Variants in GMEB1 observed in about 807,000 individuals in gnomAD.
The protein encoded by GMEB1 is glucocorticoid modulatory element-binding protein 1.
In GMEB1, 6 loss-of-function variants were observed where a neutral mutation model predicts 52.4. The observed-to-expected ratio is 0.11, with a 90% CI of 0.06 to 0.23. GMEB1 has a LOEUF of 0.23. Ranked by LOEUF, GMEB1 falls within the 10% of genes least tolerant of loss-of-function variation. GMEB1 has a pLI of 1.00. For synonymous variants in GMEB1, 255 were observed against 244.9 expected (o/e 1.04, Z -0.38); for missense variants, 486 against 685.6 (o/e 0.71, Z 3.25).
intron 1 of GMEB1, among the ~76,000 whole-genome samples, chr1:28,672,736 CTTTT>C (rs540343527): frequency 1.7e-5 from 2 of 119,728 alleles, no homozygotes; most frequent in Non-Finnish European, 3.4e-5. Context: ...CATATTGTTC[CTTTT>C]TTTTTTTTTT....
chr1:28,704,899 C>T (rs1054107944), intron 8 of GMEB1, among the ~76,000 whole-genome samples: 2 of 151,970 alleles, frequency 1.3e-5, no homozygotes, highest in Non-Finnish European at 2.9e-5. Flanking sequence ...TGAGCCACCG[C>T]TCCCAGCCTA....
In GMEB1 at chr1:28,674,379, G is replaced by A. The variant is rs372583685; in HGVS notation, c.-31+5540G>A. On this transcript the variant is annotated intron_variant, in intron 1 of 9. Transcript: ENST00000373816. The stretch of plus-strand genomic sequence containing the variant: ...AGAAAACAAAAACCCAAAAAACTAC[G>A]GAACAGTTAATTTTATTTATTTATT... 4.6e-5 allele frequency among the ~76,000 whole-genome samples: 7 copies of A among 151,974 alleles called. No homozygotes were observed. In the South Asian group the frequency reaches 1.0e-3, roughly 23 times the overall value.
rs1438444871 is a variant in GMEB1, at chr1:28,702,493, A to T, written c.654A>T (p.Glu218Asp). The T allele has an allele frequency of 1.2e-6, 2 of 1,613,374 alleles. No homozygotes were observed. The highest frequency in any genetic ancestry group is 4.5e-5 in the East Asian group (2 of 44,868). The change falls in exon 7 of 10, where the codon GAA (glutamate) becomes GAT (aspartate). Residue 218 changes from glutamate to aspartate, a missense_variant. Transcript: ENST00000373816. ...SEESMEEAGL[E>D]WNSALTAAVT... ...AGAGCATGGAAGAGGCAGGGCTGGA[A>T]TGGAACTCAGCTCTCACCGCTGCTG...
At position 28,714,471 on chromosome 1, in the gene GMEB1, C is replaced by T; in HGVS notation, c.1390C>T (p.Leu464=). 6.2e-7 allele frequency: 1 copy of T among 1,614,210 alleles called. No individual in the cohort carries two copies. The highest frequency in any genetic ancestry group is 8.5e-7 in the Non-Finnish European group (1 of 1,180,040). ...TIHPSSSLAL[L]SSTAMQDGST... ...CCACCCTTCATCTAGCTTGGCGCTG[C>T]TGAGCTCTACTGCCATGCAGGATGG... The change falls in exon 10 of 10, where the codon CTG becomes TTG. Residue 464 remains leucine (L), a synonymous_variant. Transcript: ENST00000373816.
intron 6 of GMEB1, among the ~76,000 whole-genome samples, chr1:28,702,135 C>G (rs1223722221): frequency 2.0e-5 from 3 of 152,146 alleles, no homozygotes; most frequent in African/African-American, 7.2e-5. Flanking sequence ...TAATGTCTAT[C>G]TTCAATCTCT....
intron 9 of GMEB1, among the ~76,000 whole-genome samples, chr1:28,711,300 GAAAA>G (rs5773216): frequency 2.4e-4 from 35 of 146,834 alleles, no homozygotes; most frequent in South Asian, 6.4e-4. Context: ...AAAAAAAAAA[GAAAA>G]AAAAACCTTT....
At position 28,690,201 on chromosome 1, in the gene GMEB1, G is replaced by GTTTTTTTTTTT; in HGVS notation, c.211+16_211+17insTTTTTTTTTTT. The stretch of plus-strand genomic sequence containing the variant: ...AGAAGGGATTGGTAAGGGTTTTTTT[G>GTTTTTTTTTTT]TGTTTTTTTTTTTTTTTTTTTTTGT... On this transcript the variant is annotated intron_variant, in intron 3 of 9. Coordinates refer to ENST00000373816, the MANE Select transcript of GMEB1 (RefSeq NM_001319674.2). 1.7e-6 allele frequency: 1 copy of GTTTTTTTTTTT among 582,820 alleles called. No individual in the cohort carries two copies. Among genetic ancestry groups the GTTTTTTTTTTT allele is most frequent in the Non-Finnish European group, 2.6e-6 (1 of 390,780 alleles). 36.1% of individuals were successfully genotyped at this position (582,820 alleles called of 1,614,324 possible).
At chr1:28,705,082 C>CA (rs756423377) in intron 8 of GMEB1, among the ~76,000 whole-genome samples, 2,821 of 48,886 alleles carry the variant, frequency 0.058, 57 homozygotes, top group African/African-American at 0.097. Flanking sequence ...GACCTTGTCT[C>CA]AAAAAAAAAA....
At chr1:28,689,079 G>A (rs998834697) in intron 2 of GMEB1, among the ~76,000 whole-genome samples, 4 of 151,758 alleles carry the variant, frequency 2.6e-5, no homozygotes, top group Non-Finnish European at 5.9e-5. Flanking sequence ...TAGTAGAGAC[G>A]GGGTTTCACC....
intron 8 of GMEB1, 52 bp downstream of exon 8, chr1:28,704,381 G>C: frequency 6.7e-7 from 1 of 1,503,266 alleles, no homozygotes; most frequent in Non-Finnish European, 9.0e-7. Flanking sequence ...ACTCACCTCC[G>C]TAGGCAGGTC....
intron 1 of GMEB1, among the ~76,000 whole-genome samples, chr1:28,671,924 C>T (rs1361943118): frequency 6.6e-6 from 1 of 150,702 alleles, no homozygotes; most frequent in African/African-American, 2.4e-5. Flanking sequence ...TGAGACCCAC[C>T]TGGCCAACAT....
Position 28,714,558 on chromosome 1 carries a change from G to C in GMEB1, c.1477G>C (p.Gly493Arg). ...SPVELVAMESGLTSAIQAVES... is the reference protein window; with the variant it reads ...SPVELVAMESRLTSAIQAVES... ...TGTGGAATTGGTGGCCATGGAGTCC[G>C]GCCTAACCTCGGCAATTCAGGCTGT... Residue 493 changes from glycine (G) to arginine (R), a missense_variant, in exon 10 of 10, where the codon GGC (glycine) becomes CGC (arginine). Transcript: ENST00000373816. 6.2e-7 allele frequency: 1 copy of C among 1,614,166 alleles called. No individual in the cohort carries two copies. Among genetic ancestry groups the C allele is most frequent in the Non-Finnish European group, 8.5e-7 (1 of 1,180,030 alleles).
At chr1:28,682,288 C>T (rs1669426643) in intron 1 of GMEB1, among the ~76,000 whole-genome samples, 1 of 151,914 alleles carries the variant, frequency 6.6e-6, no homozygotes, top group Admixed American at 6.6e-5. Context: ...AAGGGAGATA[C>T]TGGGCAAGAT....
intron 1 of GMEB1, among the ~76,000 whole-genome samples, chr1:28,675,208 G>A (rs1330603869): frequency 1.9e-4 from 28 of 150,812 alleles, no homozygotes; most frequent in South Asian, 8.4e-4. Flanking sequence ...TAGTAGAGAC[G>A]AGGTTTCACC....
intron 2 of GMEB1, among the ~76,000 whole-genome samples, chr1:28,687,403 A>T (rs2124496469): frequency 1.4e-5 from 2 of 145,882 alleles, no homozygotes; most frequent in East Asian, 4.0e-4. Context: ...AAGACAGTGG[A>T]GAATAATGTT....
chr1:28,675,883 T>G, intron 1 of GMEB1, among the ~76,000 whole-genome samples: 1 of 152,022 alleles, frequency 6.6e-6, no homozygotes. Context: ...GCATTTAGAG[T>G]TGGTTTCAGG....
At chr1:28,710,759 C>A (rs1329751329) in intron 9 of GMEB1, 117 bp downstream of exon 9, 29 of 578,410 alleles carry the variant, frequency 5.0e-5, no homozygotes, top group Middle Eastern at 6.1e-4. Flanking sequence ...TCAGATTTTG[C>A]TTTTAAAAAT....
At chr1:28,696,123 A>G (rs1263339836) in intron 5 of GMEB1, among the ~76,000 whole-genome samples, 1 of 151,440 alleles carries the variant, frequency 6.6e-6, no homozygotes, top group East Asian at 1.9e-4. Context: ...GCTGGAGTGC[A>G]GTGGCGTGAT....
intron 8 of GMEB1, among the ~76,000 whole-genome samples, chr1:28,706,748 T>C (rs1670792037): frequency 6.6e-6 from 1 of 151,320 alleles, no homozygotes; most frequent in Non-Finnish European, 1.5e-5. Flanking sequence ...CACTGCAACC[T>C]CCACCTCCCA....
Sources: gnomAD v4.1 joint callset for allele counts (sites outside exome capture counted in the v4.1 genomes callset) on GRCh38, gnomAD v4.1.1 for gene constraint, MANE v1.5 for transcripts, NCBI Gene and HGNC (gene_info 2026-07-23, HGNC 2026-07-21) for gene names.